CSRNP3: variants seen among roughly 807,000 people sequenced by gnomAD.
CSRNP3 encodes the protein cysteine and serine rich nuclear protein 3.
A neutral mutation model predicts 48.0 loss-of-function variants in CSRNP3; 12 were observed. That is an observed-to-expected ratio of 0.25 (90% CI 0.16 to 0.41). The LOEUF is 0.41. Among genes scored for constraint, CSRNP3 ranks in the 10% least tolerant of loss-of-function variants. CSRNP3 has a pLI of 1.00. For missense variants in CSRNP3, 580 were observed against 724.4 expected, an observed-to-expected ratio of 0.80 and a Z score of 2.29; for synonymous variants, 263 against 269.7, an observed-to-expected ratio of 0.98 and a Z score of 0.24.
intron 3 of CSRNP3, among the ~76,000 whole-genome samples, chr2:165,532,254 C>A (rs1197590686): frequency 2.0e-5 from 3 of 151,870 alleles, no homozygotes; most frequent in Non-Finnish European, 4.4e-5. Context: ...GAGACACAAC[C>A]AAAAAAGGGA....
At position 165,595,024 on chromosome 2, in the gene CSRNP3, GCT is replaced by G; in HGVS notation, c.-23-15_-23-14del. The G allele has an allele frequency of 6.2e-7, 1 of 1,607,158 alleles. No homozygotes were observed. Among genetic ancestry groups the G allele is most frequent in the African/African-American group, 1.3e-5 (1 of 74,932 alleles). On this transcript the variant is annotated splice_polypyrimidine_tract_variant and intron_variant, in intron 3 of 6. Transcript: ENST00000651982. ...CGGTCAAATATTTCAATGCTCTGTTGCTCTCCTTCCTGTTACAGGTACATGTG... is the reference window on the plus strand; with the variant it reads ...CGGTCAAATATTTCAATGCTCTGTTGCTCCTTCCTGTTACAGGTACATGTG...
intron 2 of CSRNP3, among the ~76,000 whole-genome samples, chr2:165,512,193 C>T (rs1289418880): frequency 6.6e-6 from 1 of 152,116 alleles, no homozygotes; most frequent in East Asian, 1.9e-4. Flanking sequence ...TTTACCTTTT[C>T]CAGTGGTAGA....
At chr2:165,579,388 A>G (rs934230741) in intron 3 of CSRNP3, among the ~76,000 whole-genome samples, 6 of 152,274 alleles carry the variant, frequency 3.9e-5, no homozygotes, top group African/African-American at 1.2e-4. Flanking sequence ...ATGATGTGGC[A>G]ATATGTGCTT....
At chr2:165,678,167 A>G (rs915478833) in intron 6 of CSRNP3, among the ~76,000 whole-genome samples, 3 of 152,230 alleles carry the variant, frequency 2.0e-5, no homozygotes, top group African/African-American at 7.2e-5. Context: ...GTGTAAGTCC[A>G]TTTTATAATA....
intron 3 of CSRNP3, among the ~76,000 whole-genome samples, chr2:165,576,191 T>C (rs921939380): frequency 2.0e-5 from 3 of 151,464 alleles, no homozygotes; most frequent in African/African-American, 7.3e-5. Context: ...TATTATTGCA[T>C]ATATTATGTA....
intron 3 of CSRNP3, among the ~76,000 whole-genome samples, chr2:165,576,216 C>T (rs1685448722): frequency 1.3e-5 from 2 of 150,848 alleles, no homozygotes; most frequent in South Asian, 2.1e-4. Context: ...CACACACACA[C>T]ACATATATAT....
intron 4 of CSRNP3, among the ~76,000 whole-genome samples, chr2:165,606,850 A>C (rs972366965): frequency 6.6e-6 from 1 of 152,126 alleles, no homozygotes; most frequent in African/African-American, 2.4e-5. Context: ...ACCATTTTTT[A>C]TGGAAGTAAA....
At chr2:165,552,446 C>T (rs1685109601) in intron 3 of CSRNP3, among the ~76,000 whole-genome samples, 2 of 152,182 alleles carry the variant, frequency 1.3e-5, no homozygotes, top group South Asian at 2.1e-4. Context: ...AGAAGTTAGG[C>T]GATTGTCAAC....
chr2:165,666,771 A>AAGAGAG (rs1281468456), intron 5 of CSRNP3, among the ~76,000 whole-genome samples: 1 of 137,026 alleles, frequency 7.3e-6, no homozygotes, highest in African/African-American at 2.7e-5. Flanking sequence ...GGAAGAAAGA[A>AAGAGAG]AGAGAAAGGA....
intron 2 of CSRNP3, among the ~76,000 whole-genome samples, chr2:165,513,054 G>A (rs939091539): frequency 1.2e-4 from 18 of 151,790 alleles, no homozygotes; most frequent in African/African-American, 3.9e-4. Context: ...GCAGTGAGCC[G>A]AGATCCCACC....
intron 2 of CSRNP3, among the ~76,000 whole-genome samples, chr2:165,500,191 C>G (rs1684337743): frequency 6.6e-6 from 1 of 151,410 alleles, no homozygotes; most frequent in Non-Finnish European, 1.5e-5. Flanking sequence ...TGTGGTGGGT[C>G]CCATTAATTG....
At chr2:165,512,158 A>G (rs1684515665) in intron 2 of CSRNP3, among the ~76,000 whole-genome samples, 1 of 152,158 alleles carries the variant, frequency 6.6e-6, no homozygotes, top group African/African-American at 2.4e-5. Flanking sequence ...AAGCTTCTGT[A>G]AGGCTTTATA....
chr2:165,493,767 G>T (rs891148204), intron 1 of CSRNP3, among the ~76,000 whole-genome samples: 1 of 151,896 alleles, frequency 6.6e-6, no homozygotes, highest in Non-Finnish European at 1.5e-5. Context: ...ATTTACTATT[G>T]TACTTATGCT....
intron 3 of CSRNP3, among the ~76,000 whole-genome samples, chr2:165,593,316 A>G (rs1372819483): frequency 6.6e-6 from 1 of 152,214 alleles, no homozygotes; most frequent in Non-Finnish European, 1.5e-5. Context: ...TGAAGAGGCT[A>G]AAAAGCATGC....
At position 165,676,793 on chromosome 2, in the gene CSRNP3, A is replaced by G. The variant is rs570156566; in HGVS notation, c.705+185A>G. ...GAGAAAGACTAATTTAAGGCCATTC[A>G]TGGGAATACATAAAATGCTTATACA... On this transcript the variant is annotated intron_variant, in intron 6 of 6. Coordinates refer to ENST00000651982, the MANE Select transcript of CSRNP3 (RefSeq NM_001172173.2). Among the ~76,000 whole-genome samples, 121 of 152,382 alleles carry G rather than the reference A, an allele frequency of 7.9e-4. 2 individuals are homozygous for G. In the South Asian group the frequency reaches 0.016, roughly 21 times the overall value.
chr2:165,555,908 C>T (rs768542899), intron 3 of CSRNP3, among the ~76,000 whole-genome samples: 10 of 152,104 alleles, frequency 6.6e-5, no homozygotes, highest in East Asian at 1.9e-4. Flanking sequence ...AAGACTGAGA[C>T]GGGAAGTGGA....
At chr2:165,532,516 A>T (rs934635719) in intron 3 of CSRNP3, among the ~76,000 whole-genome samples, 4 of 152,172 alleles carry the variant, frequency 2.6e-5, no homozygotes, top group African/African-American at 9.7e-5. Context: ...ACAACAATTC[A>T]TGCTAAAAAC....
intron 5 of CSRNP3, among the ~76,000 whole-genome samples, chr2:165,673,136 T>TTTTTC: frequency 7.5e-6 from 1 of 134,184 alleles, no homozygotes; most frequent in Non-Finnish European, 1.6e-5. Context: ...TAGCTCTTTT[T>TTTTTC]TTTTTTTTTT....
intron 3 of CSRNP3, among the ~76,000 whole-genome samples, chr2:165,555,318 T>C (rs1574835563): frequency 6.6e-6 from 1 of 152,222 alleles, no homozygotes; most frequent in Non-Finnish European, 1.5e-5. Flanking sequence ...CCTAGAATAA[T>C]ACCTGTAATA....
Sources: allele counts gnomAD v4.1 joint callset (sites outside exome capture counted in the v4.1 genomes callset), GRCh38; gene constraint gnomAD v4.1.1; transcripts MANE v1.5; gene names NCBI Gene and HGNC (gene_info 2026-07-23, HGNC 2026-07-21).